The following SRPRB variants were observed in gnomAD, a reference collection of about 807,000 sequenced individuals.
The protein encoded by SRPRB is signal recognition particle receptor subunit beta.
In SRPRB, 20 loss-of-function variants were observed where a neutral mutation model predicts 31.9. That is an observed-to-expected ratio of 0.63 (90% confidence interval 0.44 to 0.91). SRPRB has a LOEUF of 0.91. SRPRB is among the 40% of genes least tolerant of loss of function. The pLI, the probability that SRPRB is intolerant of heterozygous loss-of-function variation, is 0.00. For synonymous variants in SRPRB, 146 were observed against 132.8 expected, an observed-to-expected ratio of 1.10 and a Z score of -0.68; for missense variants, 321 against 324.9, an observed-to-expected ratio of 0.99 and a Z score of 0.09.
upstream of SRPRB, among the ~76,000 whole-genome samples, chr3:133,805,172 C>T (rs1471552449): frequency 6.6e-6 from 1 of 152,200 alleles, no homozygotes; most frequent in Non-Finnish European, 1.5e-5. Flanking sequence ...CGTTGATTTT[C>T]CTAGTTGCTT....
chr3:133,828,360 A>G, downstream of SRPRB: 2 of 355,742 alleles, frequency 5.6e-6, no homozygotes, highest in East Asian at 1.3e-4. Flanking sequence ...GGAGGAAGGC[A>G]GAGGTGATGA....
intron 4 of SRPRB, among the ~76,000 whole-genome samples, chr3:133,812,238 T>A (rs1935275336): frequency 6.6e-6 from 1 of 152,248 alleles, no homozygotes; most frequent in Non-Finnish European, 1.5e-5. Flanking sequence ...TAGTAGATTC[T>A]TTGCCTTTTA....
Position 133,816,914 on chromosome 3 carries a change from A to G in SRPRB, c.584A>G (p.Gln195Arg). 1 of 1,611,380 alleles carries G rather than the reference A, an allele frequency of 6.2e-7. No individual in the cohort carries two copies. The highest frequency in any genetic ancestry group is 8.5e-7 in the Non-Finnish European group (1 of 1,178,702). Residue 195 changes from glutamine to arginine, a missense_variant, in exon 6 of 7, where the codon CAG (glutamine) becomes CGG (arginine). Coordinates refer to ENST00000678299, the MANE Select transcript of SRPRB (RefSeq NM_001379313.1). ...GCAAAATCAGCAAAGTTAATTCAAC[A>G]GCAGCTGGAGAAAGAACTGTAAGTG... is the stretch of plus-strand genomic sequence containing the variant. ...AMAKSAKLIQQQLEKELNTLR... is the reference protein window; with the variant it reads ...AMAKSAKLIQRQLEKELNTLR...
At chr3:133,799,620 G>C (rs111440472) in intron 1 of SRPRB, among the ~76,000 whole-genome samples, 2 of 152,024 alleles carry the variant, frequency 1.3e-5, no homozygotes, top group East Asian at 3.9e-4. Flanking sequence ...AGTGGCTCTC[G>C]GGGAGAAGTT....
At chr3:133,805,770 G>T (rs1213170524), upstream of SRPRB, 7 of 1,497,744 alleles carry the variant, frequency 4.7e-6, no homozygotes, top group Non-Finnish European at 6.2e-6. Flanking sequence ...CACCATTCGC[G>T]TGAGGCTCTG....
At chr3:133,823,537 G>A (rs1935508685), downstream of SRPRB, among the ~76,000 whole-genome samples, 1 of 152,202 alleles carries the variant, frequency 6.6e-6, no homozygotes, top group African/African-American at 2.4e-5. Flanking sequence ...GCAGATTGGA[G>A]GGTGTTCTGG....
chr3:133,807,325 C>T (rs1236391863), intron 2 of SRPRB, among the ~76,000 whole-genome samples: 1 of 144,864 alleles, frequency 6.9e-6, no homozygotes, highest in Admixed American at 7.2e-5. Context: ...GAGATCTCTG[C>T]TCATTGCAGC....
chr3:133,812,964 A>G (rs1274390486), intron 4 of SRPRB, among the ~76,000 whole-genome samples: 1 of 152,122 alleles, frequency 6.6e-6, no homozygotes, highest in African/African-American at 2.4e-5. Flanking sequence ...AAGTGTTTCC[A>G]GAGAGGGTGA....
chr3:133,820,624 A>C lies in SRPRB; in HGVS notation c.*858A>C, dbSNP rs558687392. 4.7e-4 allele frequency: 72 copies of C among 152,214 alleles called. 1 individual carries two copies. Among genetic ancestry groups the C allele is most frequent in the African/African-American group, 1.7e-3 (70 of 41,540 alleles). The allele number at this position is 152,214 out of a possible 1,614,324, so 9.4% of individuals were successfully genotyped here. On this transcript the variant is annotated 3_prime_UTR_variant, in exon 7 of 7. Transcript: ENST00000678299. ...ATACAAAGTGAAAAAAGTTCTCTGTAGATTTCTGAAGTGCATATTCATTGA... is the reference window on the plus strand; with the variant it reads ...ATACAAAGTGAAAAAAGTTCTCTGTCGATTTCTGAAGTGCATATTCATTGA...
upstream of SRPRB, among the ~76,000 whole-genome samples, chr3:133,803,282 C>T (rs909716902): frequency 3.9e-5 from 6 of 152,234 alleles, no homozygotes; most frequent in African/African-American, 1.2e-4. Flanking sequence ...GGCCGAGAAG[C>T]GATCCCCAAA....
At chr3:133,802,164 G>A (rs553293498), upstream of SRPRB, among the ~76,000 whole-genome samples, 50 of 152,284 alleles carry the variant, frequency 3.3e-4, no homozygotes, top group African/African-American at 1.2e-3. Context: ...CACCACTCTG[G>A]GGGGCTGAAG....
At chr3:133,819,237 A>G (rs902835933) in intron 6 of SRPRB, among the ~76,000 whole-genome samples, 4 of 152,158 alleles carry the variant, frequency 2.6e-5, no homozygotes, top group African/African-American at 9.7e-5. Flanking sequence ...TTTTAAAAAT[A>G]TATTTTTAGA....
At chr3:133,796,583 C>T (rs1442582043) in intron 1 of SRPRB, 1 of 152,214 alleles carries the variant, frequency 6.6e-6, no homozygotes. Context: ...TGCTCAAGCC[C>T]TCTGCCACCC....
At chr3:133,814,796 C>G (rs1442903966) in intron 4 of SRPRB, among the ~76,000 whole-genome samples, 1 of 152,212 alleles carries the variant, frequency 6.6e-6, no homozygotes, top group African/African-American at 2.4e-5. Flanking sequence ...TTTGATATCT[C>G]TTTGTTTCTG....
At chr3:133,824,788 A>G (rs1297698829), downstream of SRPRB, 1 of 152,212 alleles carries the variant, frequency 6.6e-6, no homozygotes, top group Admixed American at 6.5e-5. Context: ...CAAAAAGAGT[A>G]GAGATGGTCT....
chr3:133,794,426 C>T (rs1934916923), intron 1 of SRPRB: 1 of 152,168 alleles, frequency 6.6e-6, no homozygotes, highest in Admixed American at 6.5e-5. Context: ...TGCATGTTTT[C>T]TGGTTGTATA....
intron 5 of SRPRB, 125 bp downstream of exon 5, chr3:133,815,851 A>C (rs1032309420): frequency 7.7e-6 from 9 of 1,171,446 alleles, no homozygotes; most frequent in South Asian, 3.5e-5. Flanking sequence ...AGAACTATAA[A>C]TTGAAGGATT....
At chr3:133,804,797 A>T (rs374306583), upstream of SRPRB, among the ~76,000 whole-genome samples, 1 of 152,224 alleles carries the variant, frequency 6.6e-6, no homozygotes, top group Middle Eastern at 3.4e-3. Flanking sequence ...ACTGTAATAA[A>T]CTTTTTTCAA....
intron 1 of SRPRB, among the ~76,000 whole-genome samples, chr3:133,798,880 T>A (rs1457066376): frequency 1.3e-5 from 2 of 152,088 alleles, no homozygotes; most frequent in African/African-American, 2.4e-5. Flanking sequence ...ATAAAAGATA[T>A]TTTAAAAACA....
Sources: allele counts gnomAD v4.1 joint callset (sites outside exome capture counted in the v4.1 genomes callset), GRCh38; gene constraint gnomAD v4.1.1; transcripts MANE v1.5; gene names NCBI Gene and HGNC (gene_info 2026-07-23, HGNC 2026-07-21).